Variants in TGM2 observed in about 807,000 individuals in gnomAD.
TGM2 encodes transglutaminase 2.
In TGM2, 53 loss-of-function variants were observed where a neutral mutation model predicts 75.6. The ratio of observed to expected loss-of-function variants is 0.70; its 90% CI spans 0.56 to 0.88. The LOEUF is 0.88. TGM2 is among the 40% of genes least tolerant of loss of function. The probability of loss-of-function intolerance (pLI) is 0.00; values close to 1 mark genes in which losing one functional copy is unlikely to be tolerated. For synonymous variants in TGM2, 374 were observed against 381.1 expected (o/e 0.98, Z 0.22); for missense variants, 842 against 928.5 (o/e 0.91, Z 1.21).
intron 6 of TGM2, among the ~76,000 whole-genome samples, 170 bp from the exon 7 acceptor site, chr20:38,142,369 C>T (rs1424390927): frequency 1.3e-5 from 2 of 152,188 alleles, no homozygotes; most frequent in Non-Finnish European, 2.9e-5. Flanking sequence ...CTGGTCACCC[C>T]ATGTCCATTC....
intron 6 of TGM2, among the ~76,000 whole-genome samples, chr20:38,143,218 T>C (rs1400006052): frequency 6.6e-6 from 1 of 151,998 alleles, no homozygotes; most frequent in East Asian, 1.9e-4. Context: ...ACTTAAAGAC[T>C]CAAACAGCAG....
At chr20:38,139,295 C>T (rs2074939133) in intron 9 of TGM2, 117 bp downstream of exon 9, 2 of 1,447,768 alleles carry the variant, frequency 1.4e-6, no homozygotes, top group Non-Finnish European at 9.6e-7. Context: ...CCTACGGGGC[C>T]ATTGCTGTAC....
At chr20:38,131,459 G>C (rs1246545461) in intron 11 of TGM2, among the ~76,000 whole-genome samples, 1 of 151,034 alleles carries the variant, frequency 6.6e-6, no homozygotes, top group Non-Finnish European at 1.5e-5. Flanking sequence ...ACGTGACCCA[G>C]GGGATGTCCA....
chr20:38,134,731 G>A (rs989778084), intron 10 of TGM2, among the ~76,000 whole-genome samples: 7 of 152,210 alleles, frequency 4.6e-5, no homozygotes, highest in Non-Finnish European at 8.8e-5. Flanking sequence ...GCAGGAAGGA[G>A]AAGAGAAAGA....
upstream of TGM2, among the ~76,000 whole-genome samples, chr20:38,167,616 G>A (rs1379156566): frequency 6.6e-6 from 1 of 152,192 alleles, no homozygotes; most frequent in Non-Finnish European, 1.5e-5. Context: ...TGGGATTATA[G>A]TCATGAACCA....
chr20:38,133,033 C>A, intron 10 of TGM2: 1 of 358,146 alleles, frequency 2.8e-6, no homozygotes, highest in South Asian at 2.1e-5. Context: ...GTATTACCAC[C>A]CAACTTACAG....
intron 6 of TGM2, among the ~76,000 whole-genome samples, chr20:38,143,206 G>A (rs925858521): frequency 6.6e-6 from 1 of 152,144 alleles, no homozygotes; most frequent in African/African-American, 2.4e-5. Context: ...CCCAAGATAG[G>A]GACTTAAAGA....
chr20:38,146,631 C>T, intron 6 of TGM2, 86 bp downstream of exon 6: 1 of 1,524,046 alleles, frequency 6.6e-7, no homozygotes, highest in African/African-American at 1.4e-5. Context: ...GGGGCAGGAC[C>T]AGGGCAGGGA....
In TGM2 at chr20:38,141,334, C is replaced by A. The variant is rs767258802; in HGVS notation, c.1047G>T (p.Pro349=). Residue 349 remains proline, a synonymous_variant, in exon 8 of 13, where the codon CCG becomes CCT. Transcript: ENST00000361475. ...CCAGGGCCTGCCAGCCCTCGTACCC[C>A]GGCTGCAGGTCCGGCCTGGTCATCC... ...ESWMTRPDLQ[P]GYEGWQALDP... The A allele has an allele frequency of 2.5e-6, 4 of 1,592,238 alleles. No homozygotes were observed. The African/African-American group carries it at 5.4e-5, about 21-fold the overall frequency.
intron 1 of TGM2, among the ~76,000 whole-genome samples, chr20:38,164,476 C>T (rs1297061932): frequency 6.6e-6 from 1 of 152,184 alleles, no homozygotes; most frequent in African/African-American, 2.4e-5. Flanking sequence ...TTAGTTAAGC[C>T]TCTGTTCCAC....
intron 10 of TGM2, among the ~76,000 whole-genome samples, chr20:38,135,829 AC>A (rs1389716726): frequency 6.6e-6 from 1 of 152,044 alleles, no homozygotes; most frequent in African/African-American, 2.4e-5. Flanking sequence ...TGAGGGCCCC[AC>A]CGTGTGCTGG....
chr20:38,142,021 C>A, intron 7 of TGM2, 43 bp downstream of exon 7: 1 of 1,612,814 alleles, frequency 6.2e-7, no homozygotes, highest in Non-Finnish European at 8.5e-7. Flanking sequence ...CTCCATGGGG[C>A]CCTCCCTACT....
rs770125987 is a variant in TGM2 at position 38,131,231 on chromosome 20, T to C, written c.1777-2A>G. ...TTTCTGCTTGGGCTCCCCAAGGATC[T>C]GGAAGAGGGCATGGGGCAGATGTCA... On this transcript the variant is annotated splice_acceptor_variant, in intron 11 of 12. Transcript: ENST00000361475. LOFTEE classifies it high-confidence loss of function. The C allele has an allele frequency of 1.9e-6, 3 of 1,613,736 alleles. No homozygotes were observed. The highest frequency in any genetic ancestry group is 2.5e-6 in the Non-Finnish European group (3 of 1,180,004).
intron 10 of TGM2, chr20:38,137,864 A>ATTACTTAACCTCTC: frequency 1.2e-6 from 1 of 817,544 alleles, no homozygotes; most frequent in Non-Finnish European, 1.8e-6. Context: ...CCTTAAGAAA[A>ATTACTTAACCTCTC]TTACTTAACC....
rs1013918916 is a variant in TGM2, at chr20:38,127,664, T to C, written c.*2555A>G. The stretch of plus-strand genomic sequence containing the variant: ...GTCAGTATAAAACACACACCACATT[T>C]CAAAGATTGAGTACAAAAATAAGAA... On this transcript the variant is annotated 3_prime_UTR_variant, in exon 13 of 13. Coordinates refer to ENST00000361475, the MANE Select transcript of TGM2 (RefSeq NM_004613.4). 6.6e-6 allele frequency: 1 copy of C among 152,180 alleles called. No individual in the cohort carries two copies. Among genetic ancestry groups the C allele is most frequent in the Non-Finnish European group, 1.5e-5 (1 of 68,028 alleles). The allele number at this position is 152,180 out of a possible 1,614,324, so 9.4% of individuals were successfully genotyped here.
chr20:38,142,886 G>C (rs1348475158), intron 6 of TGM2, among the ~76,000 whole-genome samples: 2 of 152,232 alleles, frequency 1.3e-5, no homozygotes, highest in African/African-American at 4.8e-5. Context: ...AGCATGCTCT[G>C]CCTCTGCCAG....
At position 38,155,827 on chromosome 20, in the gene TGM2, G is replaced by A. The variant is rs1363335059; in HGVS notation, c.433+20C>T. Reference sequence around the variant, plus strand: ...AGCCCTGCCCACCCCAACGCTGTGAGTGGATGGCGTGTGGCTCACCTGGGC... The same window carrying A: ...AGCCCTGCCCACCCCAACGCTGTGAATGGATGGCGTGTGGCTCACCTGGGC... On this transcript the variant is annotated intron_variant, in intron 3 of 12. Transcript: ENST00000361475. 1.9e-6 allele frequency: 3 copies of A among 1,590,788 alleles called. No homozygotes were observed. Among genetic ancestry groups the A allele is most frequent in the African/African-American group, 2.7e-5 (2 of 74,812 alleles).
Position 38,130,017 on chromosome 20 carries a change from C to T in TGM2, c.*202G>A, listed in dbSNP as rs1467910055. On this transcript the variant is annotated 3_prime_UTR_variant, in exon 13 of 13. Coordinates refer to ENST00000361475, the MANE Select transcript of TGM2 (RefSeq NM_004613.4). ...ACTGTTTCTGGCACAGAGCATTCCTCACAGCAAAGGGGGTGAGTGGGGACC... is the reference window on the plus strand; with the variant it reads ...ACTGTTTCTGGCACAGAGCATTCCTTACAGCAAAGGGGGTGAGTGGGGACC... The T allele has an allele frequency of 1.5e-6, 1 of 668,526 alleles. No individual in the cohort carries two copies. The highest frequency in any genetic ancestry group is 2.5e-6 in the Non-Finnish European group (1 of 398,464). 41.4% of individuals were successfully genotyped at this position (668,526 alleles called of 1,614,324 possible). A position where few individuals can be genotyped will look rare whatever the true frequency, so the allele number is the denominator to read the frequency against.
chr20:38,163,494 C>G (rs1195065234), intron 1 of TGM2, among the ~76,000 whole-genome samples: 1 of 152,202 alleles, frequency 6.6e-6, no homozygotes, highest in African/African-American at 2.4e-5. Flanking sequence ...GACAAAGACA[C>G]CAGGTGGCTC....
Sources: allele counts gnomAD v4.1 joint callset (sites outside exome capture counted in the v4.1 genomes callset), GRCh38; gene constraint gnomAD v4.1.1; transcripts MANE v1.5; gene names NCBI Gene and HGNC (gene_info 2026-07-23, HGNC 2026-07-21).